GHR: variants seen among roughly 807,000 people sequenced by gnomAD.
GHR encodes the protein growth hormone receptor, also known as GH receptor.
In GHR, 35 loss-of-function variants were observed where a neutral mutation model predicts 67.1. The observed-to-expected ratio is 0.52, with a 90% CI of 0.40 to 0.69. GHR has a LOEUF of 0.69. Ranked by LOEUF, GHR falls within the 30% of genes least tolerant of loss-of-function variation. The pLI is 0.00. For missense variants in GHR, 792 were observed against 764.6 expected, an observed-to-expected ratio of 1.04 and a Z score of -0.42; for synonymous variants, 272 against 269.1, an observed-to-expected ratio of 1.01 and a Z score of -0.10.
intron 1 of GHR, among the ~76,000 whole-genome samples, chr5:42,554,562 G>A (rs1285305414): frequency 6.6e-6 from 1 of 152,122 alleles, no homozygotes; most frequent in African/African-American, 2.4e-5. Context: ...AATAAACACA[G>A]ATCTATTCTA....
At chr5:42,474,884 C>A (rs1007222745) in intron 1 of GHR, among the ~76,000 whole-genome samples, 3 of 100,702 alleles carry the variant, frequency 3.0e-5, no homozygotes, top group Non-Finnish European at 6.3e-5. Flanking sequence ...TTTTTTTTTG[C>A]CCTTTTTTTT....
chr5:42,633,780 T>C (rs1329079213), intron 3 of GHR, among the ~76,000 whole-genome samples: 1 of 152,246 alleles, frequency 6.6e-6, no homozygotes, highest in African/African-American at 2.4e-5. Context: ...TTTTCTCTTA[T>C]GTACTCCTAT....
intron 1 of GHR, among the ~76,000 whole-genome samples, chr5:42,444,000 CATAG>C (rs1474845144): frequency 2.2e-5 from 3 of 137,030 alleles, no homozygotes; most frequent in South Asian, 4.6e-4. Flanking sequence ...TAGACATAGA[CATAG>C]ATAGATATAG....
chr5:42,699,879 T>C lies in GHR; in HGVS notation c.495T>C (p.Thr165=), dbSNP rs1489396665. 6.2e-7 allele frequency: 1 copy of C among 1,609,152 alleles called. No homozygotes were observed. Among genetic ancestry groups the C allele is most frequent in the Non-Finnish European group, 8.5e-7 (1 of 1,175,638 alleles). Residue 165 remains threonine, a synonymous_variant, in exon 6 of 10, where the codon ACT becomes ACC. Transcript: ENST00000230882. The part of the protein sequence containing the change: ...LNWTLLNVSL[T]GIHADIQVRW... ...GGACTTTACTGAACGTCAGTTTAAC[T>C]GGGATTCATGCAGATATCCAAGTGA...
Position 42,716,699 on chromosome 5 carries a change from T to C in GHR, c.876-1353T>C, listed in dbSNP as rs573383142. 1.1e-4 allele frequency among the ~76,000 whole-genome samples: 17 copies of C among 152,364 alleles called. No individual in the cohort carries two copies. The South Asian group carries it at 3.5e-3, about 32-fold the overall frequency. On this transcript the variant is annotated intron_variant, in intron 8 of 9. Transcript: ENST00000230882. Reference sequence around the variant, plus strand: ...TACTTATTTCTATATCTGTAATTCATCAGTAACAATATGCTTTAACATTTG... The same window carrying C: ...TACTTATTTCTATATCTGTAATTCACCAGTAACAATATGCTTTAACATTTG...
intron 3 of GHR, among the ~76,000 whole-genome samples, chr5:42,673,127 G>T (rs1364154240): frequency 6.6e-6 from 1 of 151,936 alleles, no homozygotes; most frequent in African/African-American, 2.4e-5. Flanking sequence ...CTCAAAAGAA[G>T]GCATATAAAC....
chr5:42,661,156 T>A lies in GHR; in HGVS notation c.137-27734T>A, dbSNP rs556788830. Among the ~76,000 whole-genome samples the A allele has an allele frequency of 2.0e-4, 31 of 152,234 alleles. 1 individual carries two copies. Among genetic ancestry groups the A allele is most frequent in the Non-Finnish European group, 3.8e-4 (26 of 68,018 alleles). ...GTGTACCTGAAATTGACGGGGAGAA[T>A]GGAACCAAGTTGGAAAACACTCTGC... is the stretch of plus-strand genomic sequence containing the variant. On this transcript the variant is annotated intron_variant, in intron 3 of 9. Coordinates refer to ENST00000230882, the MANE Select transcript of GHR (RefSeq NM_000163.5).
intron 2 of GHR, among the ~76,000 whole-genome samples, chr5:42,613,071 A>G (rs1257524718): frequency 1.3e-5 from 2 of 152,164 alleles, no homozygotes; most frequent in African/African-American, 2.4e-5. Flanking sequence ...CAAATTCTAC[A>G]TAAATGCATA....
chr5:42,682,623 C>G (rs956220620), intron 3 of GHR, among the ~76,000 whole-genome samples: 1 of 152,156 alleles, frequency 6.6e-6, no homozygotes, highest in Non-Finnish European at 1.5e-5. Flanking sequence ...TAAGGAGAAA[C>G]TAAACGGCCA....
chr5:42,521,816 A>G (rs1451857938), intron 1 of GHR, among the ~76,000 whole-genome samples: 2 of 152,228 alleles, frequency 1.3e-5, no homozygotes, highest in African/African-American at 2.4e-5. Context: ...GTTGTTAACT[A>G]TATCAAAAAT....
chr5:42,688,776 G>A (rs1464751044), intron 3 of GHR, 114 bp from the exon 4 acceptor site: 16 of 987,176 alleles, frequency 1.6e-5, no homozygotes, highest in Middle Eastern at 5.5e-4. Context: ...TCCTAGACAC[G>A]GAATACACTG....
At chr5:42,453,571 C>T (rs1744138751) in intron 1 of GHR, among the ~76,000 whole-genome samples, 1 of 152,206 alleles carries the variant, frequency 6.6e-6, no homozygotes, top group East Asian at 1.9e-4. Context: ...AGCCTCACTC[C>T]TGTCCTAGCA....
chr5:42,539,892 T>C (rs574348364), intron 1 of GHR, among the ~76,000 whole-genome samples: 1 of 152,310 alleles, frequency 6.6e-6, no homozygotes, highest in Non-Finnish European at 1.5e-5. Flanking sequence ...CTTCAAAATT[T>C]CACTGTTTTT....
In GHR at chr5:42,660,179, A is replaced by C. The variant is rs1346979221; in HGVS notation, c.137-28711A>C. Reference sequence around the variant, plus strand: ...CTCTGTAGACTCCACCTCTGGGGGCAGGGTACAGACAAACAAAAAGACAGC... The same window carrying C: ...CTCTGTAGACTCCACCTCTGGGGGCCGGGTACAGACAAACAAAAAGACAGC... On this transcript the variant is annotated intron_variant, in intron 3 of 9. Coordinates refer to ENST00000230882, the MANE Select transcript of GHR (RefSeq NM_000163.5). Among the ~76,000 whole-genome samples, 3 of 152,324 alleles carry C rather than the reference A, an allele frequency of 2.0e-5. No homozygotes were observed. The East Asian group carries it at 5.8e-4, about 29-fold the overall frequency.
chr5:42,708,998 C>T (rs530868950), intron 6 of GHR, among the ~76,000 whole-genome samples: 3 of 152,140 alleles, frequency 2.0e-5, no homozygotes, highest in Non-Finnish European at 4.4e-5. Flanking sequence ...CTTGAAGAAA[C>T]AAACAATATA....
intron 3 of GHR, among the ~76,000 whole-genome samples, chr5:42,660,877 G>A (rs976911719): frequency 3.9e-5 from 6 of 152,150 alleles, no homozygotes; most frequent in Admixed American, 6.5e-5. Context: ...TTAGAAGAAT[G>A]TATAACTAGA....
chr5:42,467,844 T>A, intron 1 of GHR: 1 of 1,039,424 alleles, frequency 9.6e-7, no homozygotes, highest in Non-Finnish European at 1.4e-6. Context: ...TTGTTAACAG[T>A]GTCAGAATTA....
Position 42,718,091 on chromosome 5 carries a change from G to C in GHR, c.915G>C (p.Lys305Asn). The C allele has an allele frequency of 6.3e-7, 1 of 1,580,230 alleles. No individual in the cohort carries two copies. The highest frequency in any genetic ancestry group is 8.7e-7 in the Non-Finnish European group (1 of 1,149,384). The change falls in exon 9 of 10, where the codon AAG becomes AAC. Residue 305 changes from lysine (K) to asparagine (N), a missense_variant. Lys to Asn is a moderately conservative substitution (Grantham distance 94). Transcript: ENST00000230882. Reference protein sequence around the residue: ...MLILPPVPVPKIKGIDPDLLK... With the variant: ...MLILPPVPVPNIKGIDPDLLK... ...TTCTGCCCCCAGTTCCAGTTCCAAA[G>C]ATTAAAGGAATCGATCCAGATCTCC...
intron 1 of GHR, among the ~76,000 whole-genome samples, chr5:42,545,160 C>T (rs1417233720): frequency 1.3e-5 from 2 of 152,120 alleles, no homozygotes; most frequent in Non-Finnish European, 2.9e-5. Context: ...TAGAACCGGC[C>T]TGAATCAGTC....
Sources: gnomAD v4.1 joint callset for allele counts (sites outside exome capture counted in the v4.1 genomes callset) on GRCh38, gnomAD v4.1.1 for gene constraint, MANE v1.5 for transcripts, NCBI Gene and HGNC (gene_info 2026-07-23, HGNC 2026-07-21) for gene names.